UGT1A7: variants seen among roughly 807,000 people sequenced by gnomAD.
The protein encoded by UGT1A7 is UDP-glucuronosyltransferase 1A7.
Under a neutral mutation model 45.6 loss-of-function variants are expected in UGT1A7, and 33 were observed. That is an observed-to-expected ratio of 0.72 (90% CI 0.55 to 0.97). The LOEUF is 0.97. UGT1A7 is among the 50% of genes least tolerant of loss of function. The probability of loss-of-function intolerance (pLI) is 0.00; values close to 1 mark genes in which losing one functional copy is unlikely to be tolerated. For missense variants in UGT1A7, 684 were observed against 666.2 expected (o/e 1.03, Z -0.29); for synonymous variants, 274 against 250.6 (o/e 1.09, Z -0.88).
intron 1 of UGT1A7, chr2:233,718,618 T>G: frequency 1.1e-6 from 1 of 872,510 alleles, no homozygotes; most frequent in Non-Finnish European, 1.4e-6. Context: ...AAGATAGGCG[T>G]GATTGGTCTT....
rs759740806 is a variant in UGT1A7 at position 233,682,534 on chromosome 2, C to T, written c.597C>T (p.Asp199=). The change falls in exon 1 of 5, where the codon GAC becomes GAT. Residue 199 remains aspartate (D), a synonymous_variant. Transcript: ENST00000373426. ...YVPRLLLGFS[D]AMTFKERVWN... ...CCAGACTTCTCTTAGGGTTCTCAGACGCCATGACTTTCAAGGAGAGAGTAT... is the reference window on the plus strand; with the variant it reads ...CCAGACTTCTCTTAGGGTTCTCAGATGCCATGACTTTCAAGGAGAGAGTAT... 53 of 1,613,770 alleles carry T rather than the reference C, an allele frequency of 3.3e-5. No individual in the cohort carries two copies. Among genetic ancestry groups the T allele is most frequent in the Admixed American group, 2.0e-4 (12 of 59,992 alleles).
chr2:233,767,252 T>C (rs959458816), intron 2 of UGT1A7, 87 bp downstream of exon 2: 5 of 1,599,856 alleles, frequency 3.1e-6, no homozygotes, highest in East Asian at 2.2e-5. Context: ...ATTCTCTTAA[T>C]TGGAACCTTA....
intron 1 of UGT1A7, chr2:233,689,912 C>T (rs1381963555): frequency 1.1e-5 from 5 of 456,566 alleles, no homozygotes; most frequent in Admixed American, 2.3e-5. Context: ...CAGGTAGGTG[C>T]CTGGAATTTC....
intron 1 of UGT1A7, chr2:233,689,923 C>T (rs945044389): frequency 2.2e-6 from 1 of 456,518 alleles, no homozygotes; most frequent in African/African-American, 2.0e-5. Flanking sequence ...CTGGAATTTC[C>T]TTCGAAAGAA....
intron 1 of UGT1A7, among the ~76,000 whole-genome samples, chr2:233,766,658 C>A (rs1575821914): frequency 6.6e-6 from 1 of 152,166 alleles, no homozygotes; most frequent in Admixed American, 6.5e-5. Flanking sequence ...AAAGGGACCA[C>A]GCCCTTCCCA....
chr2:233,700,811 T>C (rs969820712), intron 1 of UGT1A7, among the ~76,000 whole-genome samples: 1 of 152,126 alleles, frequency 6.6e-6, no homozygotes, highest in Non-Finnish European at 1.5e-5. Flanking sequence ...CATGTTGGTG[T>C]GCTGCACCCA....
Position 233,773,068 on chromosome 2 carries a change from G to C in UGT1A7, c.*509G>C, listed in dbSNP as rs1488458773. Reference sequence around the variant, plus strand: ...TGTACCTTTAGAGTGTAGGTGAAATGAATGAATGGCTTGGAGTGCACTGAG... The same window carrying C: ...TGTACCTTTAGAGTGTAGGTGAAATCAATGAATGGCTTGGAGTGCACTGAG... On this transcript the variant is annotated 3_prime_UTR_variant, in exon 5 of 5. Coordinates refer to ENST00000373426, the MANE Select transcript of UGT1A7 (RefSeq NM_019077.3). 5.8e-6 allele frequency: 1 copy of C among 171,412 alleles called. No homozygotes were observed. Among genetic ancestry groups the C allele is most frequent in the Non-Finnish European group, 1.3e-5 (1 of 78,258 alleles). The allele number at this position is 171,412 out of a possible 1,614,324, so 10.6% of individuals were successfully genotyped here. A position where few individuals can be genotyped will look rare whatever the true frequency, so the allele number is the denominator to read the frequency against.
At chr2:233,759,153 G>A (rs1244080154) in intron 1 of UGT1A7, among the ~76,000 whole-genome samples, 1 of 152,246 alleles carries the variant, frequency 6.6e-6, no homozygotes, top group Non-Finnish European at 1.5e-5. Flanking sequence ...GAGTTCCACA[G>A]AACACAAGGC....
chr2:233,729,742 A>G (rs573582484), intron 1 of UGT1A7: 2 of 1,613,974 alleles, frequency 1.2e-6, no homozygotes, highest in East Asian at 2.2e-5. Context: ...AGACCACATG[A>G]CATTCATGCA....
At chr2:233,760,280 A>G (rs1365658904) in intron 1 of UGT1A7, 1 of 1,612,818 alleles carries the variant, frequency 6.2e-7, no homozygotes, top group Non-Finnish European at 8.5e-7. Flanking sequence ...GGCAGGAGCA[A>G]AGGCGCCATG....
At chr2:233,710,274 A>G (rs1427903289) in intron 1 of UGT1A7, among the ~76,000 whole-genome samples, 1 of 152,210 alleles carries the variant, frequency 6.6e-6, no homozygotes, top group Non-Finnish European at 1.5e-5. Flanking sequence ...TTCTTGGGTA[A>G]ATACTTAAAA....
intron 4 of UGT1A7, chr2:233,770,023 G>A (rs1575848651): frequency 6.2e-6 from 1 of 160,986 alleles, no homozygotes; most frequent in Non-Finnish European, 1.4e-5. Flanking sequence ...TTCTTTCCCT[G>A]CACTGTTGAA....
chr2:233,755,791 C>T (rs1696023449), intron 1 of UGT1A7: 1 of 152,494 alleles, frequency 6.6e-6, no homozygotes, highest in Admixed American at 6.5e-5. Flanking sequence ...ATCATATGTA[C>T]TGCATTAGAG....
At chr2:233,713,703 C>G (rs561558353) in intron 1 of UGT1A7, 2 of 1,613,916 alleles carry the variant, frequency 1.2e-6, no homozygotes, top group East Asian at 2.2e-5. Context: ...TGCCTCTGAG[C>G]TTTTTCAGAG....
intron 1 of UGT1A7, chr2:233,760,899 G>A (rs1697604278): frequency 6.2e-7 from 1 of 1,613,886 alleles, no homozygotes. Context: ...CAGATCACAT[G>A]ACCTTCCTGC....
intron 1 of UGT1A7, among the ~76,000 whole-genome samples, chr2:233,721,219 T>C (rs535662083): frequency 2.0e-5 from 3 of 152,354 alleles, no homozygotes; most frequent in African/African-American, 7.2e-5. Flanking sequence ...TTTCCCCTTA[T>C]GCAATGTAGT....
At chr2:233,683,949 A>G (rs2074657322) in intron 1 of UGT1A7, among the ~76,000 whole-genome samples, 2 of 152,204 alleles carry the variant, frequency 1.3e-5, no homozygotes, top group Non-Finnish European at 2.9e-5. Flanking sequence ...TGGTCTAGCC[A>G]GCTTAAATTA....
chr2:233,728,724 A>G (rs2077744422), intron 1 of UGT1A7, among the ~76,000 whole-genome samples: 1 of 152,220 alleles, frequency 6.6e-6, no homozygotes, highest in African/African-American at 2.4e-5. Flanking sequence ...AGCAGAGAGC[A>G]TATGACTGGG....
rs1407595030 is a variant in UGT1A7, at chr2:233,768,410, T to C, written c.1266T>C (p.Asn422=). 6.2e-7 allele frequency: 1 copy of C among 1,614,120 alleles called. No homozygotes were observed. Among genetic ancestry groups the C allele is most frequent in the East Asian group, 2.2e-5 (1 of 44,882 alleles). ...AAATGACTTCTGAAGATTTAGAAAA[T>C]GCTCTAAAAGCAGTCATCAATGACA... is the stretch of plus-strand genomic sequence containing the variant. ...VLEMTSEDLE[N]ALKAVINDKS... Residue 422 remains asparagine, a synonymous_variant, in exon 4 of 5, where the codon AAT becomes AAC. Transcript: ENST00000373426.
Sources: allele counts gnomAD v4.1 joint callset (sites outside exome capture counted in the v4.1 genomes callset), GRCh38; gene constraint gnomAD v4.1.1; transcripts MANE v1.5; gene names NCBI Gene and HGNC (gene_info 2026-07-23, HGNC 2026-07-21).